Variants in MAX observed in about 807,000 individuals in gnomAD.
MAX encodes the protein protein max.
In MAX, 3 loss-of-function variants were observed where a neutral mutation model predicts 22.3. The ratio of observed to expected loss-of-function variants is 0.13; its 90% CI spans 0.06 to 0.35. The LOEUF is 0.35. Ranked by LOEUF, MAX falls within the 10% of genes least tolerant of loss-of-function variation. The probability of loss-of-function intolerance (pLI) is 1.00; values close to 1 mark genes in which losing one functional copy is unlikely to be tolerated. For missense variants in MAX, 119 were observed against 209.4 expected (o/e 0.57, Z 2.66); for synonymous variants, 72 against 77.7 (o/e 0.93, Z 0.39).
chr14:65,074,922 C>A (rs1384689794), downstream of MAX, among the ~76,000 whole-genome samples: 1 of 152,170 alleles, frequency 6.6e-6, no homozygotes, highest in South Asian at 2.1e-4. Flanking sequence ...ATCCAATGAA[C>A]AAAGCCATCA....
chr14:65,077,639 A>C lies in MAX; in HGVS notation c.295+274T>G. 1.5e-6 allele frequency: 2 copies of C among 1,291,198 alleles called. No individual in the cohort carries two copies. Among genetic ancestry groups the C allele is most frequent in the Non-Finnish European group, 2.2e-6 (2 of 918,276 alleles). 80.0% of individuals were successfully genotyped at this position (1,291,198 alleles called of 1,614,324 possible). The stretch of plus-strand genomic sequence containing the variant: ...CAGGTGTGATCCCTACTGCAGGCAG[A>C]GCACCTGAGCCCCAAGAAGGGGAGA... On this transcript the variant is annotated intron_variant, in intron 4 of 4. Coordinates refer to ENST00000358664, the MANE Select transcript of MAX (RefSeq NM_002382.5). The surrounding 1 kb of genome is among the most constrained non-coding windows in gnomAD (Gnocchi z 6.3).
chr14:65,051,183 G>A (rs188334951), intron 3 of MAX, among the ~76,000 whole-genome samples: 2 of 152,226 alleles, frequency 1.3e-5, no homozygotes, highest in East Asian at 1.9e-4. Context: ...GGTTGAAGAC[G>A]AGAAGCTTTT....
chr14:65,006,499 C>T (rs547866311), intron 3 of MAX, among the ~76,000 whole-genome samples: 1 of 152,310 alleles, frequency 6.6e-6, no homozygotes, highest in South Asian at 2.1e-4. Context: ...CTTGGCAGTT[C>T]GCTGCCCCTA....
chr14:65,064,558 G>A (rs1393559216), intron 3 of MAX, among the ~76,000 whole-genome samples: 1 of 152,138 alleles, frequency 6.6e-6, no homozygotes, highest in Admixed American at 6.5e-5. Flanking sequence ...AGGCACACTT[G>A]GTTCCACCCC....
At position 65,066,542 on chromosome 14, in the gene MAX, C is replaced by T. The variant is rs184302638; in HGVS notation, c.171+27166G>A. 7.2e-5 allele frequency among the ~76,000 whole-genome samples: 11 copies of T among 152,230 alleles called. No individual in the cohort carries two copies. In the East Asian group the frequency reaches 7.7e-4, roughly 11 times the overall value. The stretch of plus-strand genomic sequence containing the variant: ...CTCTGCTCCCCCTGAGGAAATACAG[C>T]GCTTACAAAATAACAATAAGAAAAA... On this transcript the variant is annotated intron_variant, in intron 3 of 3. Transcript: ENST00000341653.
At chr14:65,021,750 A>T (rs539745373) in intron 3 of MAX, among the ~76,000 whole-genome samples, 5 of 152,254 alleles carry the variant, frequency 3.3e-5, no homozygotes, top group Middle Eastern at 3.4e-3. Flanking sequence ...GGTTCAAGCG[A>T]TTCTCGTGCT....
chr14:65,006,173 TGCCA>T, exon 4 of MAX: 1 of 1,598,434 alleles, frequency 6.3e-7, no homozygotes, highest in Non-Finnish European at 8.5e-7. Flanking sequence ...TTTTTTTTTT[TGCCA>T]CCATTTCCTT....
Position 65,075,469 on chromosome 14 carries a change from C to A in MAX, c.*1007G>T. ...TCCGCACTGGGGTGCGGGTTTAGTA[C>A]CAGGTAAATTGCTCTTGGTATTTAC... On this transcript the variant is annotated 3_prime_UTR_variant, in exon 5 of 5. Transcript: ENST00000358664. This position sits in a 1 kb window ranked among gnomAD's most constrained non-coding sequence, Gnocchi z 4.1. 9.4e-7 allele frequency: 1 copy of A among 1,064,228 alleles called. No homozygotes were observed. The highest frequency in any genetic ancestry group is 1.1e-6 in the Non-Finnish European group (1 of 878,374). 65.9% of individuals were successfully genotyped at this position (1,064,228 alleles called of 1,614,324 possible).
chr14:65,069,095 G>C lies in MAX; in HGVS notation c.171+24613C>G, dbSNP rs1005816059. 2.0e-5 allele frequency among the ~76,000 whole-genome samples: 3 copies of C among 152,194 alleles called. No homozygotes were observed. Among genetic ancestry groups the C allele is most frequent in the Non-Finnish European group, 2.9e-5 (2 of 68,030 alleles). On this transcript the variant is annotated intron_variant, in intron 3 of 3. Coordinates refer to the MAX transcript ENST00000341653. This position sits in a 1 kb window ranked among gnomAD's most constrained non-coding sequence, Gnocchi z 4.6. Reference sequence around the variant, plus strand: ...AGTGCTAGGTGTCCATGCTCCTTGCGAGGCTCCATCCCCCCAGCCCCTCTC... The same window carrying C: ...AGTGCTAGGTGTCCATGCTCCTTGCCAGGCTCCATCCCCCCAGCCCCTCTC...
chr14:65,076,832 A>G lies in MAX; in HGVS notation c.296-169T>C. On this transcript the variant is annotated intron_variant, in intron 4 of 4. Transcript: ENST00000358664. The surrounding 1 kb of genome is among the most constrained non-coding windows in gnomAD (Gnocchi z 6.6). ...GGGTGGCTGTTCACTCACACACTTC[A>G]TTTCCCTCCCGCCTTTCCCAGCTGG... is the stretch of plus-strand genomic sequence containing the variant. 3 of 727,658 alleles carry G rather than the reference A, an allele frequency of 4.1e-6. No homozygotes were observed. The highest frequency in any genetic ancestry group is 2.4e-6 in the Non-Finnish European group (1 of 411,914). The allele number at this position is 727,658 out of a possible 1,614,324, so 45.1% of individuals were successfully genotyped here.
At chr14:65,071,405 A>C (rs1595121744), downstream of MAX, among the ~76,000 whole-genome samples, 2 of 152,308 alleles carry the variant, frequency 1.3e-5, no homozygotes, top group Middle Eastern at 6.8e-3. This position sits in a 1 kb window ranked among gnomAD's most constrained non-coding sequence, Gnocchi z 4.2. Flanking sequence ...TGGCTTCCCA[A>C]AGTGCTGATA....
chr14:65,060,884 A>C (rs1477388281), intron 3 of MAX, among the ~76,000 whole-genome samples: 3 of 151,348 alleles, frequency 2.0e-5, no homozygotes, highest in Non-Finnish European at 4.4e-5. Flanking sequence ...AAAAAAAAAA[A>C]AAAAAAAAAA....
rs1447880162 is a variant in MAX at position 65,078,530 on chromosome 14, G to T, written c.172-494C>A. On this transcript the variant is annotated intron_variant, in intron 3 of 4. Transcript: ENST00000358664. The surrounding 1 kb of genome is among the most constrained non-coding windows in gnomAD (Gnocchi z 6.4). ...CCAGCCTGTTGTTGTTGTTGTTGTT[G>T]TTGTTTTTTTTTTTTTGGAGACGTA... 1.7e-4 allele frequency among the ~76,000 whole-genome samples: 24 copies of T among 141,006 alleles called. No homozygotes were observed. The highest frequency in any genetic ancestry group is 6.8e-4 in the South Asian group (3 of 4,398). The allele number at this position is 141,006 out of a possible 152,430, so 92.5% of individuals were successfully genotyped here.
At position 65,054,678 on chromosome 14, in the gene MAX, G is replaced by A. The variant is rs767077504; in HGVS notation, c.171+39030C>T. ...GCATGATGTGGTCCTGGGTGTGCCC[G>A]AAAACGCTCTGGTAAGACGGGTGCA... is the stretch of plus-strand genomic sequence containing the variant. On this transcript the variant is annotated intron_variant, in intron 3 of 3. Transcript: ENST00000341653. The surrounding 1 kb of genome is among the most constrained non-coding windows in gnomAD (Gnocchi z 4.4). 14 of 1,610,056 alleles carry A rather than the reference G, an allele frequency of 8.7e-6. No homozygotes were observed. The highest frequency in any genetic ancestry group is 5.3e-5 in the African/African-American group (4 of 74,804).
chr14:65,015,410 CTTTTTTTTTTTTTTT>C, intron 3 of MAX: 2 of 155,204 alleles, frequency 1.3e-5, no homozygotes, highest in African/African-American at 6.1e-5. Context: ...GCCTTGTTAT[CTTTTTTTTTTTTTTT>C]TTTTTTTTTA....
chr14:65,015,300 G>A (rs553671831), intron 3 of MAX, among the ~76,000 whole-genome samples: 202 of 151,324 alleles, frequency 1.3e-3, no homozygotes, highest in Non-Finnish European at 2.6e-3. Flanking sequence ...ACAGGGTTTC[G>A]CCATGTTGGC....
intron 3 of MAX, among the ~76,000 whole-genome samples, chr14:65,037,421 T>TTTTTTTTTTTTTTTTTTTTTG (rs2062223956): frequency 9.2e-6 from 1 of 108,682 alleles, no homozygotes; most frequent in African/African-American, 4.0e-5. Context: ...TTTTTTTTTT[T>TTTTTTTTTTTTTTTTTTTTTG]TTTTTTTTTT....
rs2062429957 is a variant in MAX at position 65,044,453 on chromosome 14, G to A, written c.172-38169C>T. On this transcript the variant is annotated intron_variant, in intron 3 of 3. Coordinates refer to the MAX transcript ENST00000341653. The surrounding 1 kb of genome is among the most constrained non-coding windows in gnomAD (Gnocchi z 5.5). ...GCACTGCACGCCCAAGGTGAGCCTGGGGAGCTGTTCACTTGGGGCTGGATG... is the reference window on the plus strand; with the variant it reads ...GCACTGCACGCCCAAGGTGAGCCTGAGGAGCTGTTCACTTGGGGCTGGATG... The A allele has an allele frequency of 6.3e-7, 1 of 1,598,386 alleles. No individual in the cohort carries two copies.
intron 3 of MAX, among the ~76,000 whole-genome samples, chr14:65,080,384 T>C (rs1340239035): frequency 6.6e-6 from 1 of 152,178 alleles, no homozygotes; most frequent in Non-Finnish European, 1.5e-5. Context: ...TAGGGTTTAT[T>C]AGGTGACAAA....
Sources: allele counts gnomAD v4.1 joint callset (sites outside exome capture counted in the v4.1 genomes callset), GRCh38; gene constraint gnomAD v4.1.1; non-coding constraint Gnocchi (gnomAD v3.1); transcripts MANE v1.5; gene names NCBI Gene and HGNC (gene_info 2026-07-23, HGNC 2026-07-21).